The following PDE4D variants were observed in gnomAD, a reference collection of about 807,000 sequenced individuals.
PDE4D encodes the protein 3',5'-cyclic-AMP phosphodiesterase 4D.
A neutral mutation model predicts 87.4 loss-of-function variants in PDE4D; 24 were observed. That is an observed-to-expected ratio of 0.27 (90% CI 0.20 to 0.39). PDE4D has a LOEUF of 0.39. Among genes scored for constraint, PDE4D ranks in the 10% least tolerant of loss-of-function variants. The pLI is 1.00. For missense variants in PDE4D, 714 were observed against 1,041.0 expected, an observed-to-expected ratio of 0.69 and a Z score of 4.32; for synonymous variants, 384 against 383.2, an observed-to-expected ratio of 1.00 and a Z score of -0.02.
intron 1 of PDE4D, among the ~76,000 whole-genome samples, chr5:60,465,510 GTTAC>G (rs1747282781): frequency 6.6e-6 from 1 of 152,048 alleles, no homozygotes; most frequent in East Asian, 1.9e-4. Flanking sequence ...TTCTGTTCCT[GTTAC>G]TTACCTCTTT....
chr5:59,254,696 T>C (rs946425121), intron 1 of PDE4D, among the ~76,000 whole-genome samples: 1 of 152,134 alleles, frequency 6.6e-6, no homozygotes, highest in Admixed American at 6.6e-5. Context: ...TTAGCACACA[T>C]AGTAAAATTT....
At chr5:59,352,089 C>A (rs1039828328) in intron 1 of PDE4D, among the ~76,000 whole-genome samples, 2 of 152,104 alleles carry the variant, frequency 1.3e-5, no homozygotes, top group Non-Finnish European at 2.9e-5. Context: ...AGATCCACCT[C>A]CCGAGGCTGT....
intron 1 of PDE4D, among the ~76,000 whole-genome samples, chr5:59,666,286 T>C (rs1300103376): frequency 6.6e-6 from 1 of 152,144 alleles, no homozygotes; most frequent in East Asian, 1.9e-4. Flanking sequence ...TGATATTTTA[T>C]TGTAACAGTC....
chr5:59,893,111 T>G, intron 1 of PDE4D, 57 bp downstream of exon 1: 148 of 1,480,572 alleles, frequency 1.0e-4, no homozygotes, highest in Middle Eastern at 1.7e-4. Context: ...ATGGAGTATT[T>G]GAGAAAAGGG....
At chr5:60,465,897 A>G (rs1168464069) in intron 1 of PDE4D, among the ~76,000 whole-genome samples, 2 of 151,794 alleles carry the variant, frequency 1.3e-5, no homozygotes, top group African/African-American at 4.8e-5. Context: ...AAAAAAAAAG[A>G]AAAGGAAGAG....
chr5:59,542,027 C>T (rs909315337), intron 1 of PDE4D, among the ~76,000 whole-genome samples: 3 of 152,126 alleles, frequency 2.0e-5, no homozygotes, highest in Non-Finnish European at 1.5e-5. Flanking sequence ...CCCCTTCTAG[C>T]TTTGGATCTC....
chr5:59,459,038 G>A (rs546650166), intron 1 of PDE4D, among the ~76,000 whole-genome samples: 29 of 152,160 alleles, frequency 1.9e-4, no homozygotes, highest in Admixed American at 6.5e-4. Flanking sequence ...ATGAATATTC[G>A]ATGATTAATT....
chr5:59,476,575 C>G (rs1327409810), intron 1 of PDE4D, among the ~76,000 whole-genome samples: 1 of 152,080 alleles, frequency 6.6e-6, no homozygotes, highest in Non-Finnish European at 1.5e-5. Context: ...TAATTATTCT[C>G]TCCTGGCAGT....
intron 2 of PDE4D, among the ~76,000 whole-genome samples, chr5:60,077,404 C>A (rs1773423271): frequency 2.6e-5 from 4 of 152,172 alleles, no homozygotes; most frequent in Admixed American, 2.6e-4. Context: ...AGGCAACAAG[C>A]ATGCTGGTGT....
chr5:60,506,711 C>T (rs1750340609), intron 1 of PDE4D, among the ~76,000 whole-genome samples: 2 of 151,834 alleles, frequency 1.3e-5, no homozygotes, highest in South Asian at 2.1e-4. Flanking sequence ...AAGAGAAGGG[C>T]TTGTAATTGA....
chr5:60,192,241 A>G (rs1179325345), intron 1 of PDE4D, among the ~76,000 whole-genome samples: 3 of 152,154 alleles, frequency 2.0e-5, no homozygotes, highest in Non-Finnish European at 4.4e-5. Flanking sequence ...TTAAAATCTC[A>G]AGATTTGTCT....
At chr5:59,292,803 A>C (rs27183) in intron 1 of PDE4D, among the ~76,000 whole-genome samples, 102,398 of 151,924 alleles carry the variant, frequency 0.67, 36,044 homozygotes, top group African/African-American at 0.88. Flanking sequence ...CCCCTGAGGA[A>C]TGTAGTGCCT....
intron 1 of PDE4D, among the ~76,000 whole-genome samples, chr5:59,799,967 G>C (rs1400587995): frequency 6.6e-6 from 1 of 152,144 alleles, no homozygotes; most frequent in Non-Finnish European, 1.5e-5. Context: ...CAGAAGTTTA[G>C]AGCAAAATTC....
chr5:60,088,382 A>T (rs1774760560), intron 2 of PDE4D, among the ~76,000 whole-genome samples: 1 of 152,064 alleles, frequency 6.6e-6, no homozygotes, highest in Non-Finnish European at 1.5e-5. Context: ...ATTCTATAAT[A>T]CTATAATTAG....
chr5:59,001,737 C>T (rs1279839140), intron 6 of PDE4D, among the ~76,000 whole-genome samples: 3 of 152,192 alleles, frequency 2.0e-5, no homozygotes, highest in South Asian at 4.1e-4. Flanking sequence ...ATTCTCCTCT[C>T]GAATGCCCTG....
intron 1 of PDE4D, among the ~76,000 whole-genome samples, chr5:59,467,962 G>T (rs750499343): frequency 3.6e-4 from 55 of 150,948 alleles, no homozygotes; most frequent in Non-Finnish European, 5.5e-4. Context: ...AAAAATACTG[G>T]TTTTTTTTTC....
At chr5:60,275,474 C>T (rs1229680231) in intron 1 of PDE4D, among the ~76,000 whole-genome samples, 3 of 152,058 alleles carry the variant, frequency 2.0e-5, no homozygotes, top group Non-Finnish European at 4.4e-5. Context: ...AAGGTCACCA[C>T]AAGTAACCAT....
intron 2 of PDE4D, among the ~76,000 whole-genome samples, chr5:60,159,208 T>A (rs1163529969): frequency 6.6e-6 from 1 of 152,186 alleles, no homozygotes; most frequent in Non-Finnish European, 1.5e-5. Flanking sequence ...TGGAAGGTCT[T>A]TAGGGGCAAT....
At chr5:59,067,739 A>C (rs992045532) in intron 5 of PDE4D, among the ~76,000 whole-genome samples, 1 of 152,176 alleles carries the variant, frequency 6.6e-6, no homozygotes, top group East Asian at 1.9e-4. Context: ...TTTGTATTTA[A>C]AATCTGATAT....
Sources: allele counts gnomAD v4.1 joint callset (sites outside exome capture counted in the v4.1 genomes callset), GRCh38; gene constraint gnomAD v4.1.1; transcripts MANE v1.5; gene names NCBI Gene and HGNC (gene_info 2026-07-23, HGNC 2026-07-21).